Variants in EPB41L4A observed in about 807,000 individuals in gnomAD.
The protein encoded by EPB41L4A is erythrocyte membrane protein band 4.1 like 4A, also known as band 4.1-like protein 4A.
In EPB41L4A, 100 loss-of-function variants were observed where a neutral mutation model predicts 108.6. The observed-to-expected ratio is 0.92, with a 90% CI of 0.78 to 1.09. EPB41L4A has a LOEUF of 1.09. Among genes scored for constraint, EPB41L4A ranks in the 50% least tolerant of loss-of-function variants. The probability of loss-of-function intolerance (pLI) is 0.00; values close to 1 mark genes in which losing one functional copy is unlikely to be tolerated. For synonymous variants in EPB41L4A, 319 were observed against 289.0 expected, an observed-to-expected ratio of 1.10 and a Z score of -1.05; for missense variants, 1,030 against 842.7, an observed-to-expected ratio of 1.22 and a Z score of -2.75.
At chr5:112,284,323 C>T (rs866450156) in intron 2 of EPB41L4A, among the ~76,000 whole-genome samples, 15 of 152,254 alleles carry the variant, frequency 9.9e-5, no homozygotes, top group African/African-American at 3.6e-4. Flanking sequence ...AAATAAAGGA[C>T]AGCATGCAAT....
At chr5:112,250,195 A>T (rs1033267388) in intron 9 of EPB41L4A, among the ~76,000 whole-genome samples, 6 of 152,196 alleles carry the variant, frequency 3.9e-5, no homozygotes, top group Non-Finnish European at 5.9e-5. Flanking sequence ...CTTATCAGCT[A>T]TGTGGGTTAT....
intron 12 of EPB41L4A, among the ~76,000 whole-genome samples, chr5:112,152,012 G>A (rs181645930): frequency 1.6e-4 from 24 of 152,226 alleles, no homozygotes; most frequent in Non-Finnish European, 1.3e-4. Flanking sequence ...GATTACAGGC[G>A]TGAGCCACCA....
At chr5:112,402,984 C>T (rs1225939303) in intron 1 of EPB41L4A, among the ~76,000 whole-genome samples, 2 of 151,928 alleles carry the variant, frequency 1.3e-5, no homozygotes, top group Admixed American at 1.3e-4. Flanking sequence ...TGTCATGTCA[C>T]TTATTTTTCT....
intron 12 of EPB41L4A, among the ~76,000 whole-genome samples, chr5:112,156,690 A>G (rs1759659247): frequency 6.6e-6 from 1 of 152,228 alleles, no homozygotes; most frequent in East Asian, 1.9e-4. Context: ...AAAATCGACT[A>G]TCACACATAC....
intron 4 of EPB41L4A, among the ~76,000 whole-genome samples, chr5:112,268,429 A>G (rs1385116928): frequency 6.6e-6 from 1 of 152,148 alleles, no homozygotes; most frequent in Admixed American, 6.5e-5. Context: ...AACTGTGAGA[A>G]TTATCACTGC....
chr5:112,386,192 A>T (rs1760514016), intron 1 of EPB41L4A, among the ~76,000 whole-genome samples: 1 of 152,224 alleles, frequency 6.6e-6, no homozygotes, highest in South Asian at 2.1e-4. Flanking sequence ...GGGGCATCAT[A>T]TGCTGAATCC....
intron 12 of EPB41L4A, among the ~76,000 whole-genome samples, chr5:112,146,692 G>C (rs886309639): frequency 6.6e-6 from 1 of 152,022 alleles, no homozygotes; most frequent in Non-Finnish European, 1.5e-5. Flanking sequence ...AAGACCAGTC[G>C]AGCTGCCTAA....
rs1760046455 is a variant in EPB41L4A, at chr5:112,163,562, A to G, written c.*1428T>C. ...AAATAGGATTATATTAAAGAAGCAA[A>G]AGAATGTCCTAAAAATTCTCCCTGG... On this transcript the variant is annotated 3_prime_UTR_variant, in exon 23 of 23. Transcript: ENST00000261486. 2 of 152,210 alleles carry G rather than the reference A, an allele frequency of 1.3e-5. No homozygotes were observed. The highest frequency in any genetic ancestry group is 2.4e-5 in the African/African-American group (1 of 41,444). The allele number at this position is 152,210 out of a possible 1,614,324, so 9.4% of individuals were successfully genotyped here.
At chr5:112,391,840 T>C (rs1207832231) in intron 1 of EPB41L4A, among the ~76,000 whole-genome samples, 1 of 152,104 alleles carries the variant, frequency 6.6e-6, no homozygotes, top group Non-Finnish European at 1.5e-5. Flanking sequence ...AAAGGTCGGG[T>C]TACCCACAAA....
At chr5:112,216,198 G>T (rs1747627563) in intron 12 of EPB41L4A, among the ~76,000 whole-genome samples, 1 of 152,118 alleles carries the variant, frequency 6.6e-6, no homozygotes, top group African/African-American at 2.4e-5. Flanking sequence ...TACTTTATCT[G>T]GGGGCAATTC....
intron 1 of EPB41L4A, among the ~76,000 whole-genome samples, chr5:112,398,269 TC>T (rs1352372502): frequency 6.6e-6 from 1 of 152,230 alleles, no homozygotes; most frequent in East Asian, 1.9e-4. Context: ...TTTAGGATTT[TC>T]CTTTCTTTTC....
chr5:112,283,042 T>C (rs1048314054), intron 2 of EPB41L4A, among the ~76,000 whole-genome samples: 1 of 152,230 alleles, frequency 6.6e-6, no homozygotes, highest in Non-Finnish European at 1.5e-5. Flanking sequence ...AAATTTTACA[T>C]TAATGATAAT....
intron 13 of EPB41L4A, chr5:112,206,799 G>A (rs193166057): frequency 6.6e-6 from 1 of 152,242 alleles, no homozygotes; most frequent in African/African-American, 2.4e-5. Context: ...GGTGCTTCAA[G>A]TACCAGTATC....
chr5:112,410,761 T>C (rs1762361234), intron 1 of EPB41L4A, among the ~76,000 whole-genome samples: 1 of 152,226 alleles, frequency 6.6e-6, no homozygotes, highest in Non-Finnish European at 1.5e-5. Flanking sequence ...AGACTCATTC[T>C]AGCTAAAAGA....
intron 1 of EPB41L4A, among the ~76,000 whole-genome samples, chr5:112,418,092 C>G (rs539952392): frequency 6.6e-6 from 1 of 152,246 alleles, no homozygotes; most frequent in East Asian, 1.9e-4. Flanking sequence ...GTTGCCTTAT[C>G]TAAAATGCCT....
chr5:112,283,523 AGTTT>A (rs1169121629), intron 2 of EPB41L4A, among the ~76,000 whole-genome samples: 1 of 152,234 alleles, frequency 6.6e-6, no homozygotes, highest in Non-Finnish European at 1.5e-5. Flanking sequence ...GTTACTCTAT[AGTTT>A]AAGAGAAAAA....
At chr5:112,334,820 C>T (rs888028058) in intron 1 of EPB41L4A, among the ~76,000 whole-genome samples, 5 of 152,050 alleles carry the variant, frequency 3.3e-5, no homozygotes, top group African/African-American at 1.2e-4. Context: ...CAAAATAAAC[C>T]CCTAAACTGA....
At chr5:112,334,076 T>C (rs1011029607) in intron 1 of EPB41L4A, among the ~76,000 whole-genome samples, 2 of 152,132 alleles carry the variant, frequency 1.3e-5, no homozygotes, top group East Asian at 1.9e-4. Flanking sequence ...ATGTGCCTTA[T>C]TATACGCTCC....
intron 9 of EPB41L4A, among the ~76,000 whole-genome samples, chr5:112,252,553 G>A (rs571451635): frequency 1.3e-5 from 2 of 152,296 alleles, no homozygotes; most frequent in East Asian, 3.9e-4. Context: ...ATGACCAAAT[G>A]TGAACAGCAA....
Sources: gnomAD v4.1 joint callset for allele counts (sites outside exome capture counted in the v4.1 genomes callset) on GRCh38, gnomAD v4.1.1 for gene constraint, MANE v1.5 for transcripts, NCBI Gene and HGNC (gene_info 2026-07-23, HGNC 2026-07-21) for gene names.